Variants in GNAL observed in about 807,000 individuals in gnomAD.
GNAL encodes G protein subunit alpha L, also known as guanine nucleotide-binding protein G(olf) subunit alpha.
In GNAL, 18 loss-of-function variants were observed where a neutral mutation model predicts 55.1. The observed-to-expected ratio is 0.33, with a 90% confidence interval of 0.23 to 0.48. The LOEUF (loss-of-function observed/expected upper bound fraction) is 0.48, where lower values mean the gene tolerates loss of function less well. Ranked by LOEUF, GNAL falls within the 20% of genes least tolerant of loss-of-function variation. The pLI, the probability that GNAL is intolerant of heterozygous loss-of-function variation, is 0.99. For missense variants in GNAL, 412 were observed against 614.1 expected (o/e 0.67, Z 3.48); for synonymous variants, 253 against 237.0 (o/e 1.07, Z -0.62).
chr18:11,706,660 G>T (rs2031720375), intron 1 of GNAL, among the ~76,000 whole-genome samples: 1 of 152,150 alleles, frequency 6.6e-6, no homozygotes. Context: ...TAAATCCTTT[G>T]TAATAGTTTC....
rs563756959 is a variant in GNAL at position 11,741,064 on chromosome 18, C to T, written c.377-11789C>T. ...AACTAAACCAAAGTCTAAAAGAAAC[C>T]AGTTGCTAAGGCAACTGGGCAAAGA... On this transcript the variant is annotated intron_variant, in intron 1 of 11. Transcript: ENST00000334049. 2.6e-5 allele frequency among the ~76,000 whole-genome samples: 4 copies of T among 152,306 alleles called. No homozygotes were observed. The East Asian group carries it at 7.7e-4, about 29-fold the overall frequency.
intron 1 of GNAL, among the ~76,000 whole-genome samples, chr18:11,729,782 C>T (rs1298452655): frequency 6.6e-6 from 1 of 152,146 alleles, no homozygotes; most frequent in Non-Finnish European, 1.5e-5. Flanking sequence ...TGGCTGCTCG[C>T]GGCTGGCAGA....
At chr18:11,806,552 C>G (rs376504590) in intron 4 of GNAL, among the ~76,000 whole-genome samples, 3 of 152,066 alleles carry the variant, frequency 2.0e-5, no homozygotes, top group African/African-American at 7.2e-5. Context: ...CTCTCAGGAA[C>G]AGTGAGTATT....
At chr18:11,773,800 A>C (rs1053134564) in intron 4 of GNAL, among the ~76,000 whole-genome samples, 2 of 152,154 alleles carry the variant, frequency 1.3e-5, no homozygotes, top group Admixed American at 1.3e-4. Flanking sequence ...AAATCTCACA[A>C]TAGTTTTACG....
At chr18:11,735,548 C>G (rs1047656907) in intron 1 of GNAL, among the ~76,000 whole-genome samples, 5 of 151,802 alleles carry the variant, frequency 3.3e-5, no homozygotes, top group Non-Finnish European at 7.4e-5. Flanking sequence ...CCCAGGAGTT[C>G]GAGATCAGCC....
intron 10 of GNAL, among the ~76,000 whole-genome samples, chr18:11,872,975 AGCCATCCCAGGCCACCTGAGACT>A (rs2036431599): frequency 6.6e-6 from 1 of 152,196 alleles, no homozygotes; most frequent in Non-Finnish European, 1.5e-5. Flanking sequence ...CAGGGCCAGC[AGCCATCCCAGGCCACCTGAGACT>A]GAGGGGTTTC....
At chr18:11,704,054 A>G (rs1277533585) in intron 1 of GNAL, among the ~76,000 whole-genome samples, 1 of 152,236 alleles carries the variant, frequency 6.6e-6, no homozygotes. Context: ...TCGTTTAGGA[A>G]CACAGAGGAT....
intron 5 of GNAL, among the ~76,000 whole-genome samples, chr18:11,832,885 A>T (rs2035417877): frequency 1.3e-5 from 2 of 151,904 alleles, no homozygotes; most frequent in South Asian, 2.1e-4. Context: ...AATAAATAAA[A>T]ATTTTAAAAA....
rs528686652 is a variant in GNAL at position 11,873,266 on chromosome 18, G to C, written c.1162+868G>C. 5.9e-5 allele frequency among the ~76,000 whole-genome samples: 9 copies of C among 152,308 alleles called. No individual in the cohort carries two copies. In the South Asian group the frequency reaches 1.4e-3, roughly 25 times the overall value. ...TTTTATCCTCAATGAAGAGGGAAAAGAAAACTTGCATTTGTCATTAAACTT... is the reference window on the plus strand; with the variant it reads ...TTTTATCCTCAATGAAGAGGGAAAACAAAACTTGCATTTGTCATTAAACTT... On this transcript the variant is annotated intron_variant, in intron 10 of 11. Transcript: ENST00000334049.
chr18:11,852,248 C>T (rs1245046737), intron 5 of GNAL: 29 of 1,019,644 alleles, frequency 2.8e-5, no homozygotes, highest in Non-Finnish European at 9.9e-6. Flanking sequence ...GGTTTACAGC[C>T]CCCTCCACAT....
intron 5 of GNAL, among the ~76,000 whole-genome samples, chr18:11,849,517 A>G (rs146163696): frequency 5.0e-4 from 66 of 132,414 alleles, no homozygotes; most frequent in Non-Finnish European, 7.5e-4. Flanking sequence ...AAAAAAAAAA[A>G]AAAAGAAAGA....
intron 5 of GNAL, chr18:11,851,448 C>G (rs73409565): frequency 3.4e-6 from 5 of 1,467,470 alleles, no homozygotes; most frequent in South Asian, 2.9e-5. Context: ...GCGGACTTAC[C>G]TTACCTTCTC....
At chr18:11,726,202 T>C (rs1330396354) in intron 1 of GNAL, among the ~76,000 whole-genome samples, 4 of 152,248 alleles carry the variant, frequency 2.6e-5, no homozygotes, top group African/African-American at 9.6e-5. Flanking sequence ...TCTTCTTCAA[T>C]ATTGTGTTGG....
chr18:11,756,346 ATAAT>A (rs2033055683), intron 4 of GNAL, among the ~76,000 whole-genome samples: 1 of 152,212 alleles, frequency 6.6e-6, no homozygotes, highest in African/African-American at 2.4e-5. Flanking sequence ...TTCAGAAAGC[ATAAT>A]TAATTATCAT....
intron 4 of GNAL, among the ~76,000 whole-genome samples, chr18:11,790,661 C>A (rs7504728): frequency 1.4e-5 from 1 of 71,450 alleles, no homozygotes; most frequent in African/African-American, 3.8e-5. Flanking sequence ...CTTTTTTTTT[C>A]TTTTTTTTTT....
At chr18:11,879,602 G>T (rs1480037877) in intron 11 of GNAL, among the ~76,000 whole-genome samples, 1 of 152,040 alleles carries the variant, frequency 6.6e-6, no homozygotes, top group Non-Finnish European at 1.5e-5. Flanking sequence ...TACCGTAATT[G>T]CCTCTGTAAA....
intron 4 of GNAL, among the ~76,000 whole-genome samples, chr18:11,787,517 C>T (rs556419059): frequency 1.3e-5 from 2 of 152,280 alleles, no homozygotes; most frequent in South Asian, 4.1e-4. Context: ...TGTTTGGCAG[C>T]CATCATGTAA....
chr18:11,816,818 G>GAA (rs11310574), intron 4 of GNAL, among the ~76,000 whole-genome samples: 4 of 138,088 alleles, frequency 2.9e-5, no homozygotes, highest in African/African-American at 5.7e-5. Context: ...TGTCTCGAAA[G>GAA]AAAAAAAAAA....
rs1321700999 is a variant in GNAL at position 11,867,159 on chromosome 18, C to T, written c.852-9C>T. ...CCCAAATAATTGTGTTCCTCTTGCT[C>T]TTCCACAGCATGTTTGATGTTGGTG... On this transcript the variant is annotated splice_polypyrimidine_tract_variant and intron_variant, in intron 7 of 11. Transcript: ENST00000334049. 2 of 1,604,610 alleles carry T rather than the reference C, an allele frequency of 1.2e-6. No individual in the cohort carries two copies. Among genetic ancestry groups the T allele is most frequent in the Non-Finnish European group, 1.7e-6 (2 of 1,171,452 alleles).
Sources: allele counts gnomAD v4.1 joint callset (sites outside exome capture counted in the v4.1 genomes callset), GRCh38; gene constraint gnomAD v4.1.1; transcripts MANE v1.5; gene names NCBI Gene and HGNC (gene_info 2026-07-23, HGNC 2026-07-21).